Variants in METTL25 observed in about 807,000 individuals in gnomAD.
The protein encoded by METTL25 is probable methyltransferase-like protein 25.
Under a neutral mutation model 71.6 loss-of-function variants are expected in METTL25, and 64 were observed. The observed-to-expected ratio is 0.89, with a 90% CI of 0.73 to 1.10. The LOEUF is 1.10. Among genes scored for constraint, METTL25 ranks in the 50% least tolerant of loss-of-function variants. The pLI, the probability that METTL25 is intolerant of heterozygous loss-of-function variation, is 0.00. For missense variants in METTL25, 807 were observed against 707.0 expected (o/e 1.14, Z -1.60); for synonymous variants, 287 against 250.3 (o/e 1.15, Z -1.38).
intron 3 of METTL25, among the ~76,000 whole-genome samples, chr12:82,396,983 G>GT (rs1330976581): frequency 5.3e-5 from 8 of 151,790 alleles, no homozygotes; most frequent in Non-Finnish European, 1.0e-4. Context: ...TATGCTATTT[G>GT]TTTTTTTATT....
At chr12:82,465,932 T>G (rs1417584545) in intron 9 of METTL25, among the ~76,000 whole-genome samples, 1 of 151,662 alleles carries the variant, frequency 6.6e-6, no homozygotes, top group Admixed American at 6.6e-5. Flanking sequence ...TATTCTGTGG[T>G]ATCTGTTGTG....
intron 8 of METTL25, among the ~76,000 whole-genome samples, chr12:82,444,062 C>G (rs1262853847): frequency 1.3e-5 from 2 of 152,090 alleles, no homozygotes; most frequent in Admixed American, 6.6e-5. Context: ...GAAAATGATA[C>G]AAATACTTCA....
intron 10 of METTL25, among the ~76,000 whole-genome samples, chr12:82,476,937 A>G (rs1240444061): frequency 6.6e-6 from 1 of 151,862 alleles, no homozygotes. Context: ...TAAATGCACA[A>G]AAAGTTTCAG....
intron 1 of METTL25, among the ~76,000 whole-genome samples, chr12:82,363,041 G>A (rs1004591742): frequency 2.6e-4 from 40 of 152,158 alleles, no homozygotes; most frequent in African/African-American, 9.7e-4. Flanking sequence ...ATCCTTACCA[G>A]GTCAAGGTGG....
rs1392316833 is a variant in METTL25 at position 82,386,812 on chromosome 12, A to T, written c.269A>T (p.Asp90Val). The part of the protein sequence containing the change: ...VEAEWEAGMT[D>V]FPKIFCETSQ... ...GTCTTCACTTTTTTAGGTATGACTG[A>T]TTTTCCCAAAATATTTTGTGAAACT... is the stretch of plus-strand genomic sequence containing the variant. The change falls in exon 2 of 12, where the codon GAT (aspartate) becomes GTT (valine). Residue 90 changes from aspartate to valine, a missense_variant. Transcript: ENST00000248306. 1 of 1,612,742 alleles carries T rather than the reference A, an allele frequency of 6.2e-7. No individual in the cohort carries two copies. Among genetic ancestry groups the T allele is most frequent in the Non-Finnish European group, 8.5e-7 (1 of 1,179,316 alleles).
chr12:82,401,931 G>A (rs1419483395), intron 4 of METTL25, among the ~76,000 whole-genome samples: 2 of 151,794 alleles, frequency 1.3e-5, no homozygotes, highest in Non-Finnish European at 2.9e-5. Context: ...TAGGGTACAG[G>A]TTTTCTGTAT....
chr12:82,471,980 A>G (rs573618019), intron 9 of METTL25, among the ~76,000 whole-genome samples: 1 of 152,330 alleles, frequency 6.6e-6, no homozygotes, highest in Non-Finnish European at 1.5e-5. Flanking sequence ...GAATTTACTT[A>G]ATATGAATTT....
chr12:82,452,733 G>T (rs778723361), intron 8 of METTL25, among the ~76,000 whole-genome samples: 3 of 151,948 alleles, frequency 2.0e-5, no homozygotes, highest in Non-Finnish European at 4.4e-5. Flanking sequence ...ACTTTCAAAG[G>T]TTCTAAAGTC....
At chr12:82,435,179 A>G (rs549239151) in intron 7 of METTL25, among the ~76,000 whole-genome samples, 1 of 151,616 alleles carries the variant, frequency 6.6e-6, no homozygotes, top group African/African-American at 2.4e-5. Flanking sequence ...TAGAGATAGA[A>G]GTTAAATATA....
intron 1 of METTL25, among the ~76,000 whole-genome samples, chr12:82,359,281 C>T (rs182550577): frequency 9.4e-6 from 1 of 106,746 alleles, no homozygotes; most frequent in Admixed American, 1.0e-4. Flanking sequence ...TTTAGGAGGT[C>T]AGGAACATGA....
intron 1 of METTL25, among the ~76,000 whole-genome samples, chr12:82,386,470 C>T (rs909641150): frequency 7.8e-6 from 1 of 128,152 alleles, no homozygotes; most frequent in Non-Finnish European, 1.6e-5. Context: ...TCTCTCCCTT[C>T]CTCCCTCCCT....
chr12:82,439,502 A>G (rs1363400112), intron 8 of METTL25, among the ~76,000 whole-genome samples: 1 of 151,842 alleles, frequency 6.6e-6, no homozygotes. Flanking sequence ...CAGGTTCTCA[A>G]AAATAATTCA....
chr12:82,361,211 A>G (rs937115362), intron 1 of METTL25, among the ~76,000 whole-genome samples: 4 of 152,196 alleles, frequency 2.6e-5, no homozygotes, highest in African/African-American at 4.8e-5. Flanking sequence ...TCCCCACTAG[A>G]TCAGCTATAC....
chr12:82,397,523 A>G (rs569011902), intron 3 of METTL25, among the ~76,000 whole-genome samples: 2 of 152,100 alleles, frequency 1.3e-5, no homozygotes, highest in Non-Finnish European at 2.9e-5. Flanking sequence ...TGCCTATCCA[A>G]ATGTCACAAT....
At chr12:82,410,957 T>C (rs1371463205) in intron 5 of METTL25, among the ~76,000 whole-genome samples, 1 of 152,008 alleles carries the variant, frequency 6.6e-6, no homozygotes, top group Non-Finnish European at 1.5e-5. Flanking sequence ...TTCAACAGAT[T>C]AAAATCTATT....
chr12:82,361,954 C>T lies in METTL25; in HGVS notation c.259+3130C>T, dbSNP rs143755272. On this transcript the variant is annotated intron_variant, in intron 1 of 11. Transcript: ENST00000248306. Reference sequence around the variant, plus strand: ...GGCGCCAAGAGCGAGTGAGGGCTGCCGGCACGCTGTCACCTCTCAGTCTTC... The same window carrying T: ...GGCGCCAAGAGCGAGTGAGGGCTGCTGGCACGCTGTCACCTCTCAGTCTTC... Among the ~76,000 whole-genome samples the T allele has an allele frequency of 2.6e-3, 399 of 152,290 alleles. 2 individuals are homozygous for T. Among genetic ancestry groups the T allele is most frequent in the African/African-American group, 8.9e-3 (372 of 41,574 alleles).
chr12:82,434,802 A>G lies in METTL25; in HGVS notation c.1404+78A>G, dbSNP rs1486963661. 12 of 1,137,518 alleles carry G rather than the reference A, an allele frequency of 1.1e-5. No individual in the cohort carries two copies. In the East Asian group the frequency reaches 2.9e-4, roughly 27 times the overall value. The allele number at this position is 1,137,518 out of a possible 1,614,324, so 70.5% of individuals were successfully genotyped here. ...TCATACTTGACCTGCTGATGAACTT[A>G]AAACCTAATGGAATTTAATAAATAT... is the stretch of plus-strand genomic sequence containing the variant. On this transcript the variant is annotated intron_variant, in intron 7 of 11. Coordinates refer to ENST00000248306, the MANE Select transcript of METTL25 (RefSeq NM_032230.3).
chr12:82,389,350 A>G (rs1211089984), intron 2 of METTL25, among the ~76,000 whole-genome samples: 3 of 152,104 alleles, frequency 2.0e-5, no homozygotes, highest in African/African-American at 4.8e-5. Flanking sequence ...AGCAGCTACT[A>G]TATTAGACAG....
chr12:82,367,930 T>C (rs901026372), intron 1 of METTL25, among the ~76,000 whole-genome samples: 1 of 152,202 alleles, frequency 6.6e-6, no homozygotes, highest in Non-Finnish European at 1.5e-5. Flanking sequence ...TTGTGCACTT[T>C]AGTTAAGCTT....
Sources: gnomAD v4.1 joint callset for allele counts (sites outside exome capture counted in the v4.1 genomes callset) on GRCh38, gnomAD v4.1.1 for gene constraint, MANE v1.5 for transcripts, NCBI Gene and HGNC (gene_info 2026-07-23, HGNC 2026-07-21) for gene names.